MVB12B: variants seen among roughly 807,000 people sequenced by gnomAD.
The protein encoded by MVB12B is ESCRT-I complex subunit MVB12B.
Under a neutral mutation model 41.6 loss-of-function variants are expected in MVB12B, and 16 were observed. The ratio of observed to expected loss-of-function variants is 0.38; its 90% CI spans 0.26 to 0.58. MVB12B has a LOEUF of 0.58. Ranked by LOEUF, MVB12B falls within the 20% of genes least tolerant of loss-of-function variation. The probability of loss-of-function intolerance (pLI) is 0.62; values close to 1 mark genes in which losing one functional copy is unlikely to be tolerated. For synonymous variants in MVB12B, 133 were observed against 139.7 expected, an observed-to-expected ratio of 0.95 and a Z score of 0.34; for missense variants, 274 against 380.2, an observed-to-expected ratio of 0.72 and a Z score of 2.32.
chr9:126,483,837 GTC>G, intron 8 of MVB12B, 134 bp from the exon 9 acceptor site: 1 of 871,260 alleles, frequency 1.1e-6, no homozygotes, highest in Non-Finnish European at 1.9e-6. Context: ...CCCACTGACT[GTC>G]TTCCTGTGGA....
At chr9:126,496,670 G>A (rs991628283) in intron 9 of MVB12B, among the ~76,000 whole-genome samples, 34 of 151,992 alleles carry the variant, frequency 2.2e-4, no homozygotes, top group African/African-American at 8.2e-4. Context: ...GCCACTTGAG[G>A]GAGGAGGAGT....
intron 2 of MVB12B, among the ~76,000 whole-genome samples, chr9:126,350,784 C>A (rs1250800630): frequency 1.3e-5 from 2 of 152,222 alleles, no homozygotes; most frequent in African/African-American, 2.4e-5. Flanking sequence ...TAAGTATCCA[C>A]AGGATTTTTT....
intron 2 of MVB12B, among the ~76,000 whole-genome samples, chr9:126,364,700 G>A (rs1468433407): frequency 6.6e-6 from 1 of 152,172 alleles, no homozygotes; most frequent in Non-Finnish European, 1.5e-5. Flanking sequence ...CCACCTTGAG[G>A]TTAATTGATT....
At chr9:126,439,695 A>G (rs748552136) in intron 7 of MVB12B, among the ~76,000 whole-genome samples, 81 of 152,306 alleles carry the variant, frequency 5.3e-4, no homozygotes, top group Admixed American at 8.5e-4. Context: ...TAAACTCAAA[A>G]TGTATTTTTG....
intron 7 of MVB12B, among the ~76,000 whole-genome samples, chr9:126,457,734 G>A (rs542127952): frequency 2.6e-5 from 4 of 152,128 alleles, no homozygotes; most frequent in East Asian, 3.9e-4. Flanking sequence ...GGGACGCGTC[G>A]CCTGTCGTTC....
At chr9:126,448,870 T>C (rs920309408) in intron 7 of MVB12B, among the ~76,000 whole-genome samples, 1 of 152,142 alleles carries the variant, frequency 6.6e-6, no homozygotes, top group Non-Finnish European at 1.5e-5. Context: ...ACGTGAAATT[T>C]GGAGGGGACA....
intron 1 of MVB12B, among the ~76,000 whole-genome samples, chr9:126,332,508 G>C (rs2118788053): frequency 6.6e-6 from 1 of 152,314 alleles, no homozygotes; most frequent in Non-Finnish European, 1.5e-5. Flanking sequence ...TGGCTGCACT[G>C]AGTTAGATCT....
chr9:126,387,281 G>A (rs1830823622), intron 4 of MVB12B, among the ~76,000 whole-genome samples: 1 of 152,114 alleles, frequency 6.6e-6, no homozygotes, highest in South Asian at 2.1e-4. Flanking sequence ...TGGTGATTCG[G>A]CTTCCTTGTT....
chr9:126,414,836 T>C (rs957707442), intron 6 of MVB12B, among the ~76,000 whole-genome samples: 2 of 152,048 alleles, frequency 1.3e-5, no homozygotes, highest in African/African-American at 2.4e-5. Flanking sequence ...TTTTTTTAAT[T>C]TTTATCTATT....
chr9:126,366,554 CTTA>C (rs1431926917), intron 2 of MVB12B, among the ~76,000 whole-genome samples: 2 of 152,098 alleles, frequency 1.3e-5, no homozygotes, highest in African/African-American at 4.8e-5. Context: ...TTATAACGTG[CTTA>C]TTATTGCATC....
intron 7 of MVB12B, among the ~76,000 whole-genome samples, chr9:126,453,722 C>T (rs56324973): frequency 0.13 from 19,739 of 151,224 alleles, 1,797 homozygotes; most frequent in East Asian, 0.44. Flanking sequence ...GTGGCACACT[C>T]TCACGTGTAC....
chr9:126,452,514 T>G (rs990251463), intron 7 of MVB12B, among the ~76,000 whole-genome samples: 2 of 152,174 alleles, frequency 1.3e-5, no homozygotes, highest in Non-Finnish European at 2.9e-5. Context: ...GTGCAACACA[T>G]TCAGCAGGGC....
At chr9:126,374,831 C>A (rs192014904) in intron 2 of MVB12B, among the ~76,000 whole-genome samples, 2 of 152,224 alleles carry the variant, frequency 1.3e-5, no homozygotes, top group Non-Finnish European at 2.9e-5. Flanking sequence ...AAAGAAATAA[C>A]GAATTATCAT....
At chr9:126,427,721 G>A (rs1270198787) in intron 7 of MVB12B, among the ~76,000 whole-genome samples, 1 of 152,182 alleles carries the variant, frequency 6.6e-6, no homozygotes, top group Non-Finnish European at 1.5e-5. Flanking sequence ...TGCAGGGTGA[G>A]CCACAGTGCA....
intron 9 of MVB12B, among the ~76,000 whole-genome samples, chr9:126,499,771 A>G (rs979429470): frequency 2.0e-5 from 3 of 151,806 alleles, no homozygotes; most frequent in African/African-American, 4.8e-5. Context: ...AAGGGAAAAA[A>G]TCCCGAGGGA....
In MVB12B at chr9:126,330,304, T is replaced by TACACACAC. The variant is rs142849542; in HGVS notation, c.81+3308_81+3315dup. On this transcript the variant is annotated intron_variant, in intron 1 of 9. Transcript: ENST00000361171. ...AACATGAGTTTGTTCTTTCTTTCTT[T>TACACACAC]ACACACACACACACACACACATACA... is the stretch of plus-strand genomic sequence containing the variant. 7.4e-5 allele frequency among the ~76,000 whole-genome samples: 11 copies of TACACACAC among 148,288 alleles called. No individual in the cohort carries two copies. The South Asian group carries it at 1.7e-3, about 23-fold the overall frequency.
Position 126,503,486 on chromosome 9 carries a change from T to C in MVB12B, c.*223T>C. ...ACATTGTTCATAACCATGACTAATC[T>C]GTGTGTGCTGTAGTGACCAGCGGCT... On this transcript the variant is annotated 3_prime_UTR_variant, in exon 10 of 10. Coordinates refer to ENST00000361171, the MANE Select transcript of MVB12B (RefSeq NM_033446.3). The C allele has an allele frequency of 3.4e-6, 2 of 588,724 alleles. No homozygotes were observed. The highest frequency in any genetic ancestry group is 6.1e-6 in the Non-Finnish European group (2 of 329,556). The allele number at this position is 588,724 out of a possible 1,614,324, so 36.5% of individuals were successfully genotyped here. A position where few individuals can be genotyped will look rare whatever the true frequency, so the allele number is the denominator to read the frequency against.
intron 6 of MVB12B, chr9:126,397,078 C>T: frequency 1.0e-6 from 1 of 985,514 alleles, no homozygotes; most frequent in Non-Finnish European, 1.2e-6. Flanking sequence ...ATCACCTGTG[C>T]TGAGGCCCAT....
intron 7 of MVB12B, among the ~76,000 whole-genome samples, chr9:126,438,260 C>G (rs1832540128): frequency 6.6e-6 from 1 of 152,124 alleles, no homozygotes. Flanking sequence ...CTACTTTCTC[C>G]TTTGAAGAAG....
Sources: allele counts gnomAD v4.1 joint callset (sites outside exome capture counted in the v4.1 genomes callset), GRCh38; gene constraint gnomAD v4.1.1; transcripts MANE v1.5; gene names NCBI Gene and HGNC (gene_info 2026-07-23, HGNC 2026-07-21).